Variants in SRD5A2 observed in about 807,000 individuals in gnomAD.
SRD5A2 encodes steroid 5 alpha-reductase 2.
In SRD5A2, 30 loss-of-function variants were observed where a neutral mutation model predicts 27.4. That is an observed-to-expected ratio of 1.10 (90% CI 0.82 to 1.49). The LOEUF is 1.49. SRD5A2 is among the 40% of genes most tolerant of loss of function. The pLI is 0.00. For missense variants in SRD5A2, 348 were observed against 323.4 expected, an observed-to-expected ratio of 1.08 and a Z score of -0.58; for synonymous variants, 141 against 133.6, an observed-to-expected ratio of 1.06 and a Z score of -0.38.
At chr2:31,625,813 A>C in the SRD5A2 span, among the ~76,000 whole-genome samples, 5 of 151,746 alleles carry the variant, frequency 3.3e-5, no homozygotes, top group African/African-American at 1.2e-4. Flanking sequence ...CAGCTTTGTT[A>C]TTTTTGCTTA....
chr2:31,612,438 A>T, the SRD5A2 span, among the ~76,000 whole-genome samples: 1 of 152,186 alleles, frequency 6.6e-6, no homozygotes, highest in African/African-American at 2.4e-5. Flanking sequence ...AAAATAAATA[A>T]CATACTTAGG....
chr2:31,624,454 G>A, the SRD5A2 span, among the ~76,000 whole-genome samples: 1 of 151,942 alleles, frequency 6.6e-6, no homozygotes, highest in South Asian at 2.1e-4. Flanking sequence ...ATGTTGGTGT[G>A]CTGCACTCAT....
chr2:31,654,465 T>C, the SRD5A2 span, among the ~76,000 whole-genome samples: 1 of 152,122 alleles, frequency 6.6e-6, no homozygotes, highest in Admixed American at 6.6e-5. Flanking sequence ...GGTGCGTGGG[T>C]GAGTGCTGGG....
At chr2:31,596,385 C>CAAAA in the SRD5A2 span, among the ~76,000 whole-genome samples, 10 of 63,834 alleles carry the variant, frequency 1.6e-4, no homozygotes, top group Non-Finnish European at 2.6e-4. Flanking sequence ...AAGACTCCAC[C>CAAAA]AAAAAAAAAA....
At chr2:31,647,001 G>C in the SRD5A2 span, among the ~76,000 whole-genome samples, 3 of 151,980 alleles carry the variant, frequency 2.0e-5, no homozygotes, top group Admixed American at 2.0e-4. Context: ...AAAAATTAGT[G>C]AGACGTCATG....
At chr2:31,596,075 A>C in the SRD5A2 span, among the ~76,000 whole-genome samples, 1 of 152,184 alleles carries the variant, frequency 6.6e-6, no homozygotes, top group Non-Finnish European at 1.5e-5. Flanking sequence ...AAAGCCATAC[A>C]TGAAAACCCA....
Position 31,547,886 on chromosome 2 carries a change from T to C in SRD5A2, c.282-14120A>G, listed in dbSNP as rs975181769. Among the ~76,000 whole-genome samples, 4 of 152,172 alleles carry C rather than the reference T, an allele frequency of 2.6e-5. No individual in the cohort carries two copies. The South Asian group carries it at 8.3e-4, about 32-fold the overall frequency. ...ACATAGATAGATAGATAGATAGATATAGATATAGTTAGATAGATACAGATA... is the reference window on the plus strand; with the variant it reads ...ACATAGATAGATAGATAGATAGATACAGATATAGTTAGATAGATACAGATA... On this transcript the variant is annotated intron_variant, in intron 1 of 4. Coordinates refer to ENST00000622030, the MANE Select transcript of SRD5A2 (RefSeq NM_000348.4).
the SRD5A2 span, among the ~76,000 whole-genome samples, chr2:31,661,852 T>C: frequency 1.3e-5 from 2 of 151,988 alleles, no homozygotes; most frequent in African/African-American, 4.8e-5. Flanking sequence ...TTTTCAACCA[T>C]TTTTTTTCTC....
the SRD5A2 span, among the ~76,000 whole-genome samples, chr2:31,623,110 T>A: frequency 6.6e-6 from 1 of 152,026 alleles, no homozygotes; most frequent in Non-Finnish European, 1.5e-5. Flanking sequence ...AAAGCTCTCG[T>A]CTCCTTTGCA....
the SRD5A2 span, among the ~76,000 whole-genome samples, chr2:31,593,173 A>C: frequency 1.3e-5 from 2 of 152,266 alleles, no homozygotes; most frequent in East Asian, 3.9e-4. Context: ...TGACGAGTTA[A>C]TGGGTGCAGC....
At chr2:31,647,053 G>A in the SRD5A2 span, among the ~76,000 whole-genome samples, 1 of 152,058 alleles carries the variant, frequency 6.6e-6, no homozygotes, top group Non-Finnish European at 1.5e-5. Context: ...GCTGAGGCAG[G>A]AGAATCTCTT....
the SRD5A2 span, among the ~76,000 whole-genome samples, chr2:31,649,273 G>A: frequency 6.6e-6 from 1 of 152,128 alleles, no homozygotes; most frequent in African/African-American, 2.4e-5. Context: ...GAGAAAAAGT[G>A]ACAAGCAGTT....
the SRD5A2 span, among the ~76,000 whole-genome samples, chr2:31,650,652 G>A: frequency 6.6e-6 from 1 of 152,126 alleles, no homozygotes; most frequent in Non-Finnish European, 1.5e-5. Flanking sequence ...CCAAACACAT[G>A]TTACATGCTC....
At chr2:31,604,308 T>C in the SRD5A2 span, among the ~76,000 whole-genome samples, 3 of 151,720 alleles carry the variant, frequency 2.0e-5, no homozygotes, top group Non-Finnish European at 4.4e-5. Context: ...GAGAAAGAAA[T>C]ACAGGGCCTC....
At chr2:31,629,865 GT>G in the SRD5A2 span, among the ~76,000 whole-genome samples, 1 of 152,192 alleles carries the variant, frequency 6.6e-6, no homozygotes, top group East Asian at 1.9e-4. Context: ...TGCCTCCTAG[GT>G]ACCAATGGTT....
chr2:31,542,663 A>G (rs996914876), intron 1 of SRD5A2, among the ~76,000 whole-genome samples: 1 of 152,182 alleles, frequency 6.6e-6, no homozygotes, highest in Non-Finnish European at 1.5e-5. Context: ...AATTTACTAG[A>G]GGGCTTTGAG....
chr2:31,608,092 A>G, the SRD5A2 span, among the ~76,000 whole-genome samples: 1 of 152,084 alleles, frequency 6.6e-6, no homozygotes, highest in South Asian at 2.1e-4. Context: ...TAAGCTGACC[A>G]GCCTATAGTA....
At chr2:31,634,576 A>T in the SRD5A2 span, among the ~76,000 whole-genome samples, 1 of 152,256 alleles carries the variant, frequency 6.6e-6, no homozygotes, top group Admixed American at 6.5e-5. Flanking sequence ...TTTTTTATTA[A>T]GGATATATAT....
the SRD5A2 span, among the ~76,000 whole-genome samples, chr2:31,630,911 G>T: frequency 6.6e-6 from 1 of 152,160 alleles, no homozygotes; most frequent in Non-Finnish European, 1.5e-5. Flanking sequence ...CCTCTCAGGT[G>T]ATTGAGTAAA....
Sources: allele counts gnomAD v4.1 joint callset (sites outside exome capture counted in the v4.1 genomes callset), GRCh38; gene constraint gnomAD v4.1.1; transcripts MANE v1.5; gene names NCBI Gene and HGNC (gene_info 2026-07-23, HGNC 2026-07-21).